VPS13B: variants seen among roughly 807,000 people sequenced by gnomAD.
VPS13B encodes vacuolar protein sorting 13 homolog B.
VPS13B carries 285 observed loss-of-function variants against 426.4 expected under a neutral mutation model. That is an observed-to-expected ratio of 0.67 (90% CI 0.61 to 0.74). VPS13B has a LOEUF of 0.74. Among genes scored for constraint, VPS13B ranks in the 30% least tolerant of loss-of-function variants. VPS13B has a pLI of 0.00. For synonymous variants in VPS13B, 1,676 were observed against 1,676.4 expected, an observed-to-expected ratio of 1.00 and a Z score of 0.01; for missense variants, 4,537 against 4,782.6, an observed-to-expected ratio of 0.95 and a Z score of 1.51.
chr8:99,637,636 T>C (rs770979973), intron 33 of VPS13B, among the ~76,000 whole-genome samples: 1 of 152,158 alleles, frequency 6.6e-6, no homozygotes, highest in Non-Finnish European at 1.5e-5. Flanking sequence ...GAGACTAATG[T>C]AGCAGTCTCA....
At chr8:99,818,430 C>T in intron 45 of VPS13B, 21 bp from the exon 46 acceptor site, 7 of 1,609,698 alleles carry the variant, frequency 4.3e-6, no homozygotes, top group Non-Finnish European at 6.0e-6. Flanking sequence ...TCAATAGGAC[C>T]CTTTGCTATT....
intron 33 of VPS13B, among the ~76,000 whole-genome samples, chr8:99,584,049 A>G (rs1826195896): frequency 6.6e-6 from 1 of 152,144 alleles, no homozygotes; most frequent in Non-Finnish European, 1.5e-5. Flanking sequence ...ACTTGTAACC[A>G]GGCAATAAAC....
intron 35 of VPS13B, among the ~76,000 whole-genome samples, chr8:99,698,717 G>T (rs752496069): frequency 5.3e-5 from 8 of 152,076 alleles, no homozygotes; most frequent in Non-Finnish European, 8.8e-5. Context: ...TAAGCACTGG[G>T]TTTTAAAGAT....
At chr8:99,801,636 CT>C (rs1425105256) in intron 43 of VPS13B, among the ~76,000 whole-genome samples, 1 of 152,148 alleles carries the variant, frequency 6.6e-6, no homozygotes, top group Non-Finnish European at 1.5e-5. Context: ...TCTGGTCCAA[CT>C]TTTAACTTCC....
intron 39 of VPS13B, among the ~76,000 whole-genome samples, chr8:99,758,451 G>A (rs1462852731): frequency 6.6e-6 from 1 of 152,166 alleles, no homozygotes; most frequent in Non-Finnish European, 1.5e-5. Flanking sequence ...AAGGTAGCAT[G>A]GTTATTTTTA....
intron 54 of VPS13B, among the ~76,000 whole-genome samples, chr8:99,845,799 C>T (rs1478706078): frequency 6.6e-6 from 1 of 152,004 alleles, no homozygotes; most frequent in Non-Finnish European, 1.5e-5. Context: ...TTTTGCAGGC[C>T]TTATGTTTTC....
intron 44 of VPS13B, among the ~76,000 whole-genome samples, chr8:99,813,544 G>A (rs938577421): frequency 2.6e-5 from 4 of 152,192 alleles, no homozygotes; most frequent in Non-Finnish European, 5.9e-5. Flanking sequence ...GTAACCCCTA[G>A]CATATGCTAA....
intron 21 of VPS13B, among the ~76,000 whole-genome samples, chr8:99,393,941 A>C (rs1236772185): frequency 1.3e-5 from 2 of 152,154 alleles, no homozygotes; most frequent in Non-Finnish European, 2.9e-5. Flanking sequence ...ATACATCTAA[A>C]TGTAGTTATC....
chr8:99,853,831 G>A lies in VPS13B; in HGVS notation c.10442G>A (p.Cys3481Tyr). ...AAGGAAAAATGTTTTATCAAACTTT[G>A]CATCACCTTAAATGAAGGCAAGAGC... ...EYKEKCFIKLCITLNEGKSIL... is the reference protein window; with the variant it reads ...EYKEKCFIKLYITLNEGKSIL... The change falls in exon 56 of 62, where the codon TGC becomes TAC. Residue 3481 changes from cysteine to tyrosine, a missense_variant. Transcript: ENST00000357162. 6 of 1,614,236 alleles carry A rather than the reference G, an allele frequency of 3.7e-6. No homozygotes were observed. Among genetic ancestry groups the A allele is most frequent in the Non-Finnish European group, 5.1e-6 (6 of 1,180,042 alleles).
At chr8:99,352,055 G>A (rs1054547248) in intron 19 of VPS13B, among the ~76,000 whole-genome samples, 2 of 152,140 alleles carry the variant, frequency 1.3e-5, no homozygotes, top group Non-Finnish European at 2.9e-5. Context: ...TTAGAATAAA[G>A]CTGTAACTGC....
chr8:99,313,185 A>T (rs1204745592), intron 19 of VPS13B, among the ~76,000 whole-genome samples: 2 of 152,192 alleles, frequency 1.3e-5, no homozygotes, highest in Non-Finnish European at 2.9e-5. Flanking sequence ...GTCGTTCTCC[A>T]TCCAGCTTTG....
chr8:99,044,945 G>A (rs557420275), intron 3 of VPS13B, among the ~76,000 whole-genome samples: 4 of 150,008 alleles, frequency 2.7e-5, no homozygotes, highest in Admixed American at 2.7e-4. Flanking sequence ...CGATTGACAG[G>A]CATTTAGGTT....
At chr8:99,557,280 C>T (rs1824634828) in intron 31 of VPS13B, among the ~76,000 whole-genome samples, 1 of 151,548 alleles carries the variant, frequency 6.6e-6, no homozygotes, top group African/African-American at 2.4e-5. Flanking sequence ...GTCTTTTATC[C>T]CTCACTCCCC....
At chr8:99,783,305 C>G (rs1310394850) in intron 42 of VPS13B, among the ~76,000 whole-genome samples, 1 of 152,086 alleles carries the variant, frequency 6.6e-6, no homozygotes, top group Non-Finnish European at 1.5e-5. Context: ...AGATCCATAG[C>G]CAGGAAATAG....
intron 33 of VPS13B, among the ~76,000 whole-genome samples, chr8:99,625,432 A>C (rs1355492833): frequency 1.3e-5 from 2 of 152,152 alleles, no homozygotes; most frequent in Non-Finnish European, 2.9e-5. Context: ...AAATTTAAAA[A>C]AATTTCATCC....
At chr8:99,740,479 A>T (rs894308939) in intron 39 of VPS13B, among the ~76,000 whole-genome samples, 2 of 152,328 alleles carry the variant, frequency 1.3e-5, no homozygotes, top group Non-Finnish European at 2.9e-5. Flanking sequence ...AGAACGCCAC[A>T]AAGATACTCC....
At chr8:99,560,314 C>T (rs562301725) in intron 31 of VPS13B, among the ~76,000 whole-genome samples, 1 of 152,076 alleles carries the variant, frequency 6.6e-6, no homozygotes, top group Non-Finnish European at 1.5e-5. Flanking sequence ...TGGGCTGAGA[C>T]GATGGGATTT....
intron 17 of VPS13B, among the ~76,000 whole-genome samples, chr8:99,203,722 G>C (rs1814499473): frequency 6.6e-6 from 1 of 152,002 alleles, no homozygotes; most frequent in Non-Finnish European, 1.5e-5. Flanking sequence ...ACCAATAATA[G>C]ACAAACAGCC....
chr8:99,305,307 T>G (rs975545130), intron 19 of VPS13B, among the ~76,000 whole-genome samples: 7 of 152,062 alleles, frequency 4.6e-5, no homozygotes, highest in Non-Finnish European at 1.5e-5. Context: ...AAATAATAAC[T>G]AGTAAAAATA....
Sources: allele counts gnomAD v4.1 joint callset (sites outside exome capture counted in the v4.1 genomes callset), GRCh38; gene constraint gnomAD v4.1.1; transcripts MANE v1.5; gene names NCBI Gene and HGNC (gene_info 2026-07-23, HGNC 2026-07-21).